The following GRIK4 variants were observed in gnomAD, a reference collection of about 807,000 sequenced individuals.
The protein encoded by GRIK4 is glutamate ionotropic receptor kainate type subunit 4.
GRIK4 carries 40 observed loss-of-function variants against 104.9 expected under a neutral mutation model. The ratio of observed to expected loss-of-function variants is 0.38; its 90% confidence interval spans 0.30 to 0.50. GRIK4 has a LOEUF of 0.50. Among genes scored for constraint, GRIK4 ranks in the 20% least tolerant of loss-of-function variants. The pLI is 0.93. For missense variants in GRIK4, 1,047 were observed against 1,308.1 expected, an observed-to-expected ratio of 0.80 and a Z score of 3.08; for synonymous variants, 485 against 524.9, an observed-to-expected ratio of 0.92 and a Z score of 1.04.
At chr11:120,753,234 C>T (rs1951588383) in intron 3 of GRIK4, among the ~76,000 whole-genome samples, 1 of 151,908 alleles carries the variant, frequency 6.6e-6, no homozygotes, top group South Asian at 2.1e-4. Flanking sequence ...GGGCCTCCGG[C>T]TTAAGGCTGG....
chr11:120,853,394 C>T (rs1954020308), intron 8 of GRIK4, among the ~76,000 whole-genome samples: 1 of 152,094 alleles, frequency 6.6e-6, no homozygotes, highest in African/African-American at 2.4e-5. Context: ...AAGTGCAAGA[C>T]TAAAGGAGGA....
In GRIK4 at chr11:120,903,692, C is replaced by T. The variant is rs1375415498; in HGVS notation, c.1273-1598C>T. 8.5e-5 allele frequency among the ~76,000 whole-genome samples: 13 copies of T among 152,202 alleles called. No individual in the cohort carries two copies. Among genetic ancestry groups the T allele is most frequent in the African/African-American group, 3.1e-4 (13 of 41,438 alleles). ...TTGGGTGGGCCCCTGGGACCCCCAG[C>T]CCTGCTGTTTGCGGTGGGGAAGGAG... On this transcript the variant is annotated intron_variant, in intron 12 of 20. Transcript: ENST00000527524. This position sits in a 1 kb window ranked among gnomAD's most constrained non-coding sequence, Gnocchi z 4.4.
At chr11:120,783,557 G>T (rs1591908114) in intron 3 of GRIK4, among the ~76,000 whole-genome samples, 1 of 151,934 alleles carries the variant, frequency 6.6e-6, no homozygotes, top group African/African-American at 2.4e-5. Flanking sequence ...TATGGTCTCG[G>T]TTCTTAATTT....
intron 3 of GRIK4, among the ~76,000 whole-genome samples, chr11:120,731,379 G>T (rs1951127030): frequency 6.6e-6 from 1 of 151,718 alleles, no homozygotes; most frequent in South Asian, 2.1e-4. Flanking sequence ...TTGCTTGATT[G>T]TCATATGTTG....
At chr11:120,599,401 C>T (rs957163081) in intron 1 of GRIK4, among the ~76,000 whole-genome samples, 8 of 152,262 alleles carry the variant, frequency 5.3e-5, no homozygotes, top group South Asian at 2.1e-4. Flanking sequence ...GACATTGGTG[C>T]CCCATGCCTG....
chr11:120,583,401 G>A (rs1948614316), intron 1 of GRIK4, among the ~76,000 whole-genome samples: 1 of 152,096 alleles, frequency 6.6e-6, no homozygotes, highest in Non-Finnish European at 1.5e-5. Flanking sequence ...TGCTTTTGGT[G>A]TCTCCATCAT....
chr11:120,535,782 C>T (rs1947967913), intron 1 of GRIK4, among the ~76,000 whole-genome samples: 1 of 152,246 alleles, frequency 6.6e-6, no homozygotes, highest in South Asian at 2.1e-4. Context: ...TGTATCTGTG[C>T]ACATTTGCAT....
chr11:120,652,101 A>G (rs922599197), intron 1 of GRIK4, among the ~76,000 whole-genome samples: 2 of 152,138 alleles, frequency 1.3e-5, no homozygotes, highest in African/African-American at 4.8e-5. Context: ...CGTGGGGAGG[A>G]TGGCAGTTAG....
intron 3 of GRIK4, among the ~76,000 whole-genome samples, chr11:120,790,578 G>A (rs888561897): frequency 6.6e-6 from 1 of 152,226 alleles, no homozygotes; most frequent in Non-Finnish European, 1.5e-5. Flanking sequence ...CAATCTAGAT[G>A]TAGCTAAGTG....
chr11:120,522,682 T>A (rs1194317799), intron 1 of GRIK4, among the ~76,000 whole-genome samples: 2 of 152,178 alleles, frequency 1.3e-5, no homozygotes, highest in African/African-American at 4.8e-5. Context: ...AATGTGAAGC[T>A]ACCTAATGAA....
chr11:120,621,239 ACCTTCT>A (rs1949184162), intron 1 of GRIK4, among the ~76,000 whole-genome samples: 1 of 152,114 alleles, frequency 6.6e-6, no homozygotes, highest in Non-Finnish European at 1.5e-5. Context: ...GATCTTGACA[ACCTTCT>A]CCTTAGTTAA....
At chr11:120,861,927 A>G in intron 8 of GRIK4, 32 bp from the exon 9 acceptor site, 1 of 1,574,652 alleles carries the variant, frequency 6.4e-7, no homozygotes, top group Non-Finnish European at 8.7e-7. Flanking sequence ...CTTCCTAACT[A>G]CATTCTTATT....
rs1023710474 is a variant in GRIK4 at position 120,925,786 on chromosome 11, C to T, written c.1477-14561C>T. 7.2e-5 allele frequency among the ~76,000 whole-genome samples: 11 copies of T among 152,136 alleles called. 1 individual carries two copies. In the East Asian group the frequency reaches 1.5e-3, roughly 21 times the overall value. ...GGGAGTTCACGACCAGTCTGGCCAA[C>T]ATGGTGAAACCCCATCTCTACTAAA... On this transcript the variant is annotated intron_variant, in intron 13 of 20. Coordinates refer to ENST00000527524, the MANE Select transcript of GRIK4 (RefSeq NM_014619.5).
intron 18 of GRIK4, among the ~76,000 whole-genome samples, chr11:120,963,229 T>G (rs946467537): frequency 1.8e-4 from 27 of 152,208 alleles, no homozygotes; most frequent in African/African-American, 6.0e-4. Context: ...GTGTGGGTCA[T>G]GGAGAAGGGG....
At chr11:120,872,109 A>C (rs1477218784) in intron 9 of GRIK4, 1 of 349,456 alleles carries the variant, frequency 2.9e-6, no homozygotes, top group Non-Finnish European at 5.6e-6. Context: ...TCTGGACCTG[A>C]GGGGGCACAG....
intron 7 of GRIK4, among the ~76,000 whole-genome samples, chr11:120,836,547 A>G (rs1329431462): frequency 3.3e-5 from 5 of 152,222 alleles, no homozygotes; most frequent in Non-Finnish European, 5.9e-5. Flanking sequence ...ACCAGCTACT[A>G]CGCATGCCAC....
intron 11 of GRIK4, among the ~76,000 whole-genome samples, chr11:120,882,023 A>G (rs998923151): frequency 2.6e-5 from 4 of 152,096 alleles, no homozygotes; most frequent in Admixed American, 2.6e-4. Context: ...ACAGAAAACC[A>G]TCAAAGCGCC....
chr11:120,541,102 G>A (rs1269953600), intron 1 of GRIK4, among the ~76,000 whole-genome samples: 1 of 152,288 alleles, frequency 6.6e-6, no homozygotes, highest in East Asian at 1.9e-4. Flanking sequence ...CTGAGGCGCA[G>A]CTACCGGAAT....
At chr11:120,783,218 G>A (rs1051109434) in intron 3 of GRIK4, among the ~76,000 whole-genome samples, 6 of 152,164 alleles carry the variant, frequency 3.9e-5, no homozygotes, top group Non-Finnish European at 5.9e-5. Flanking sequence ...CTGTGCCTAC[G>A]GTTAGGACTT....
Sources: allele counts gnomAD v4.1 joint callset (sites outside exome capture counted in the v4.1 genomes callset), GRCh38; gene constraint gnomAD v4.1.1; non-coding constraint Gnocchi (gnomAD v3.1); transcripts MANE v1.5; gene names NCBI Gene and HGNC (gene_info 2026-07-23, HGNC 2026-07-21).